CCNT2: variants seen among roughly 807,000 people sequenced by gnomAD.
CCNT2 encodes cyclin-T2.
CCNT2 carries 18 observed loss-of-function variants against 70.0 expected under a neutral mutation model. The observed-to-expected ratio is 0.26, with a 90% CI of 0.18 to 0.38. The LOEUF is 0.38. Ranked by LOEUF, CCNT2 falls within the 10% of genes least tolerant of loss-of-function variation. The pLI is 1.00. For missense variants in CCNT2, 734 were observed against 890.2 expected, an observed-to-expected ratio of 0.82 and a Z score of 2.23; for synonymous variants, 334 against 313.3, an observed-to-expected ratio of 1.07 and a Z score of -0.70.
intron 7 of CCNT2, among the ~76,000 whole-genome samples, chr2:134,948,720 C>CCTTTT (rs1682190389): frequency 7.0e-6 from 1 of 143,190 alleles, no homozygotes; most frequent in Admixed American, 7.0e-5. Context: ...ATAGATAACA[C>CCTTTT]TTTTTTTTTT....
At chr2:134,922,216 C>G (rs1573770173) in intron 2 of CCNT2, among the ~76,000 whole-genome samples, 1 of 152,222 alleles carries the variant, frequency 6.6e-6, no homozygotes, top group East Asian at 1.9e-4. Context: ...AAACTGAACA[C>G]CGTTCAGCAA....
chr2:134,938,793 G>T (rs968071127), intron 3 of CCNT2, among the ~76,000 whole-genome samples: 15 of 152,002 alleles, frequency 9.9e-5, no homozygotes, highest in Admixed American at 8.5e-4. Flanking sequence ...TTGTTTTCTG[G>T]TGTTTGTTTC....
At chr2:134,942,536 A>T in intron 4 of CCNT2, 76 bp from the exon 5 acceptor site, 2 of 925,008 alleles carry the variant, frequency 2.2e-6, no homozygotes, top group Non-Finnish European at 3.3e-6. Context: ...TGAAGAATAT[A>T]TTATACGTTT....
intron 7 of CCNT2, among the ~76,000 whole-genome samples, chr2:134,951,637 T>G (rs780297357): frequency 1.3e-5 from 2 of 152,118 alleles, no homozygotes; most frequent in Non-Finnish European, 2.9e-5. Context: ...GGCCAGGAGT[T>G]TGAGACCAGC....
chr2:134,931,839 G>T (rs1283671366), intron 2 of CCNT2, among the ~76,000 whole-genome samples: 1 of 152,034 alleles, frequency 6.6e-6, no homozygotes, highest in Non-Finnish European at 1.5e-5. Context: ...GACTCAAGCA[G>T]TCCTCCCACC....
intron 7 of CCNT2, among the ~76,000 whole-genome samples, chr2:134,950,763 G>A (rs1252788107): frequency 3.3e-5 from 5 of 152,154 alleles, no homozygotes; most frequent in Non-Finnish European, 4.4e-5. Context: ...TTAGACAGTA[G>A]CTTTGAGAGA....
At chr2:134,931,807 T>C (rs1680792441) in intron 2 of CCNT2, among the ~76,000 whole-genome samples, 1 of 152,170 alleles carries the variant, frequency 6.6e-6, no homozygotes. Context: ...ACTCTGTTGC[T>C]CAGGCTAGCC....
chr2:134,925,556 G>A lies in CCNT2; in HGVS notation c.240+5665G>A, dbSNP rs575705582. On this transcript the variant is annotated intron_variant, in intron 2 of 8. Transcript: ENST00000264157. Reference sequence around the variant, plus strand: ...TTGTGACTGACTTCTTTCACTTACCGTGTTTTCAAGGCTCATCTATGTTGT... The same window carrying A: ...TTGTGACTGACTTCTTTCACTTACCATGTTTTCAAGGCTCATCTATGTTGT... 5.9e-5 allele frequency among the ~76,000 whole-genome samples: 9 copies of A among 152,098 alleles called. No individual in the cohort carries two copies. The South Asian group carries it at 6.2e-4, about 11-fold the overall frequency.
intron 7 of CCNT2, among the ~76,000 whole-genome samples, chr2:134,949,805 G>GC (rs1553525616): frequency 7.2e-6 from 1 of 139,426 alleles, no homozygotes; most frequent in African/African-American, 2.7e-5. Flanking sequence ...TTTTTTTCGG[G>GC]GGGGGGGTGG....
In CCNT2 at chr2:134,956,536, TA is replaced by T. The variant is rs369491585; in HGVS notation, c.*1889del. 9.6e-4 allele frequency: 147 copies of T among 152,578 alleles called. No individual in the cohort carries two copies. The highest frequency in any genetic ancestry group is 3.4e-3 in the African/African-American group (140 of 41,552). 9.5% of individuals were successfully genotyped at this position (152,578 alleles called of 1,614,324 possible). On this transcript the variant is annotated 3_prime_UTR_variant, in exon 9 of 9. Coordinates refer to ENST00000264157, the MANE Select transcript of CCNT2 (RefSeq NM_058241.3). The stretch of plus-strand genomic sequence containing the variant: ...TTACAGTGGTACATAATCCAAGGAC[TA>T]GTATAGAATTAAGCTGAGTGCAAGA...
intron 3 of CCNT2, among the ~76,000 whole-genome samples, chr2:134,937,540 G>T (rs1410288858): frequency 6.6e-6 from 1 of 152,074 alleles, no homozygotes; most frequent in Non-Finnish European, 1.5e-5. Flanking sequence ...CATTGTAATA[G>T]ACCTTATTTG....
In CCNT2 at chr2:134,953,670, T is replaced by A. The variant is rs1472889231; in HGVS notation, c.1215T>A (p.Ser405=). ...CTGACAAAATTTCAGATCATTCTTC[T>A]GTTAAGCAAGAATATACTCATAAAG... The part of the protein sequence containing the change: ...HRPDKISDHS[S]VKQEYTHKAG... The change falls in exon 9 of 9, where the codon TCT becomes TCA. Residue 405 remains serine, a synonymous_variant. Coordinates refer to ENST00000264157, the MANE Select transcript of CCNT2 (RefSeq NM_058241.3). 6.2e-7 allele frequency: 1 copy of A among 1,614,026 alleles called. No homozygotes were observed. The highest frequency in any genetic ancestry group is 1.3e-5 in the African/African-American group (1 of 75,042).
chr2:134,951,156 C>G lies in CCNT2; in HGVS notation c.704-1485C>G, dbSNP rs112480768. Among the ~76,000 whole-genome samples, 847 of 150,778 alleles carry G rather than the reference C, an allele frequency of 5.6e-3. 5 individuals carry two copies. The highest frequency in any genetic ancestry group is 0.024 in the Middle Eastern group (7 of 294). On this transcript the variant is annotated intron_variant, in intron 7 of 8. Coordinates refer to ENST00000264157, the MANE Select transcript of CCNT2 (RefSeq NM_058241.3). ...TAGCAGGGACTAGTCATGACATTGT[C>G]AAGGAAATTACATCTTGAAAGATTA...
intron 5 of CCNT2, chr2:134,945,699 G>T: frequency 1.6e-6 from 2 of 1,264,264 alleles, no homozygotes; most frequent in South Asian, 1.3e-5. Flanking sequence ...AAATATGACT[G>T]AGGATTAAGT....
At chr2:134,938,967 A>C in intron 3 of CCNT2, 35 bp from the exon 4 acceptor site, 1 of 1,387,198 alleles carries the variant, frequency 7.2e-7, no homozygotes, top group Non-Finnish European at 1.0e-6. Context: ...TGTTATTTTT[A>C]TTTTAATCAA....
Position 134,947,607 on chromosome 2 carries a change from A to G in CCNT2, c.540-129A>G, listed in dbSNP as rs988057787. On this transcript the variant is annotated intron_variant, in intron 6 of 8. Coordinates refer to ENST00000264157, the MANE Select transcript of CCNT2 (RefSeq NM_058241.3). ...ATAACTTAGCTTTTAATTTAATAAAATAAGGTTTTATACTCTAGACTTAAA... is the reference window on the plus strand; with the variant it reads ...ATAACTTAGCTTTTAATTTAATAAAGTAAGGTTTTATACTCTAGACTTAAA... 1.3e-5 allele frequency: 7 copies of G among 532,716 alleles called. No individual in the cohort carries two copies. In the East Asian group the frequency reaches 1.7e-4, roughly 13 times the overall value. The allele number at this position is 532,716 out of a possible 1,614,324, so 33.0% of individuals were successfully genotyped here. A position where few individuals can be genotyped will look rare whatever the true frequency, so the allele number is the denominator to read the frequency against.
intron 1 of CCNT2, 86 bp downstream of exon 1, chr2:134,919,098 G>C: frequency 6.9e-7 from 1 of 1,457,250 alleles, no homozygotes; most frequent in Non-Finnish European, 9.1e-7. Flanking sequence ...GGCGCCGCCG[G>C]CCTCGGCCTT....
At chr2:134,925,635 C>G (rs1487214687) in intron 2 of CCNT2, among the ~76,000 whole-genome samples, 1 of 152,118 alleles carries the variant, frequency 6.6e-6, no homozygotes, top group Non-Finnish European at 1.5e-5. Flanking sequence ...CATTATTCCA[C>G]TGTATGGCTA....
intron 2 of CCNT2, among the ~76,000 whole-genome samples, chr2:134,932,667 G>C (rs1205382390): frequency 6.6e-6 from 1 of 152,140 alleles, no homozygotes; most frequent in Non-Finnish European, 1.5e-5. Flanking sequence ...CAATTCCTTA[G>C]TGCTGGTGTT....
Sources: allele counts gnomAD v4.1 joint callset (sites outside exome capture counted in the v4.1 genomes callset), GRCh38; gene constraint gnomAD v4.1.1; transcripts MANE v1.5; gene names NCBI Gene and HGNC (gene_info 2026-07-23, HGNC 2026-07-21).